FGGY: variants seen among roughly 807,000 people sequenced by gnomAD.
FGGY encodes FGGY carbohydrate kinase domain-containing protein.
In FGGY, 72 loss-of-function variants were observed where a neutral mutation model predicts 71.3. The observed-to-expected ratio is 1.01, with a 90% confidence interval of 0.84 to 1.23. The LOEUF (loss-of-function observed/expected upper bound fraction) is 1.23. FGGY is among the 50% of genes most tolerant of loss of function. The probability of loss-of-function intolerance (pLI) is 0.00; values close to 1 mark genes in which losing one functional copy is unlikely to be tolerated. For synonymous variants in FGGY, 251 were observed against 250.3 expected (o/e 1.00, Z -0.02); for missense variants, 668 against 682.3 (o/e 0.98, Z 0.23).
chr1:59,321,283 T>G (rs544988754), intron 1 of FGGY, among the ~76,000 whole-genome samples: 5 of 152,184 alleles, frequency 3.3e-5, no homozygotes, highest in African/African-American at 1.2e-4. Flanking sequence ...TAAATAATTA[T>G]GTATTTAAAT....
chr1:59,563,759 C>G (rs1195275309), intron 8 of FGGY, among the ~76,000 whole-genome samples: 1 of 152,168 alleles, frequency 6.6e-6, no homozygotes, highest in Non-Finnish European at 1.5e-5. Flanking sequence ...AAGAACAAAG[C>G]TAGAGGCATC....
At chr1:59,398,628 G>T (rs1254456891) in intron 5 of FGGY, among the ~76,000 whole-genome samples, 2 of 152,108 alleles carry the variant, frequency 1.3e-5, no homozygotes, top group Non-Finnish European at 2.9e-5. Context: ...CCATTTGTGG[G>T]CTTTTGGTTG....
In FGGY at chr1:59,638,315, T is replaced by C. The variant is rs749946426; in HGVS notation, c.1161T>C (p.His387=). Residue 387 remains histidine, a synonymous_variant, in exon 11 of 16, where the codon CAT becomes CAC. Transcript: ENST00000303721. ...QPVGFLTVDL[H]VWPDFHGNRS... ...TGGGTTTCCTTACTGTTGATTTACA[T>C]GTTTGGCCAGATTTCCATGGCAACC... is the stretch of plus-strand genomic sequence containing the variant. 1.5e-5 allele frequency: 24 copies of C among 1,614,262 alleles called. No individual in the cohort carries two copies. The African/African-American group carries it at 3.2e-4, about 22-fold the overall frequency.
intron 14 of FGGY, among the ~76,000 whole-genome samples, chr1:59,683,055 A>G (rs539633409): frequency 1.4e-4 from 21 of 152,184 alleles, no homozygotes; most frequent in Non-Finnish European, 2.9e-4. Context: ...AGGTAATGAT[A>G]AAAACGCTGG....
At chr1:59,371,222 C>G (rs1368332795) in intron 4 of FGGY, among the ~76,000 whole-genome samples, 1 of 151,904 alleles carries the variant, frequency 6.6e-6, no homozygotes, top group Non-Finnish European at 1.5e-5. Context: ...ATCTACCAAG[C>G]AAATGGAAAA....
intron 6 of FGGY, among the ~76,000 whole-genome samples, chr1:59,500,146 T>C (rs2094180357): frequency 6.6e-6 from 1 of 152,184 alleles, no homozygotes; most frequent in Admixed American, 6.5e-5. Context: ...GTGAATTCTT[T>C]AAACAAATAT....
chr1:59,636,572 G>T (rs1243991043), intron 10 of FGGY, among the ~76,000 whole-genome samples: 1 of 152,116 alleles, frequency 6.6e-6, no homozygotes, highest in East Asian at 1.9e-4. Flanking sequence ...GCAGTGAGCC[G>T]AGATCGCGTC....
intron 7 of FGGY, among the ~76,000 whole-genome samples, chr1:59,518,521 C>T (rs2094726627): frequency 6.6e-6 from 1 of 152,174 alleles, no homozygotes; most frequent in Non-Finnish European, 1.5e-5. Context: ...AAATTGTAAT[C>T]CCCAGTGTTG....
At chr1:59,550,686 G>C (rs2095595367) in intron 7 of FGGY, among the ~76,000 whole-genome samples, 1 of 152,098 alleles carries the variant, frequency 6.6e-6, no homozygotes, top group South Asian at 2.1e-4. Context: ...GGCAGAATTG[G>C]GGCTGAAACT....
At chr1:59,641,779 C>T (rs2097030584) in intron 11 of FGGY, among the ~76,000 whole-genome samples, 1 of 152,154 alleles carries the variant, frequency 6.6e-6, no homozygotes, top group African/African-American at 2.4e-5. Flanking sequence ...ATGAATGCAA[C>T]TTGTTTGATA....
At chr1:59,744,916 G>A (rs1378660067) in intron 14 of FGGY, among the ~76,000 whole-genome samples, 1 of 152,210 alleles carries the variant, frequency 6.6e-6, no homozygotes, top group African/African-American at 2.4e-5. Context: ...AGGAAAATCA[G>A]TGAGCTTTGG....
At position 59,319,897 on chromosome 1, in the gene FGGY, C is replaced by T. The variant is rs138223256; in HGVS notation, c.-14-1639C>T. Among the ~76,000 whole-genome samples the T allele has an allele frequency of 4.7e-4, 71 of 152,202 alleles. 1 individual carries two copies. The East Asian group carries it at 0.01, about 22-fold the overall frequency. On this transcript the variant is annotated intron_variant, in intron 1 of 15. Coordinates refer to ENST00000303721, the MANE Select transcript of FGGY (RefSeq NM_018291.5). ...TGGGGGGAAGGGCTGGAGGGTGGGG[C>T]AAGGGCGATCTTTGCTTCAGAGCAG...
intron 7 of FGGY, among the ~76,000 whole-genome samples, chr1:59,519,287 A>G (rs937757691): frequency 1.3e-5 from 2 of 152,212 alleles, no homozygotes; most frequent in Non-Finnish European, 2.9e-5. Flanking sequence ...AAAGTCTTTA[A>G]TATTTATTGA....
In FGGY at chr1:59,461,802, A is replaced by T. The variant is rs60899584; in HGVS notation, c.670+4726A>T. Reference sequence around the variant, plus strand: ...TTTGTTTTGTTTTGTTTTGTTTTTTATTTTATTGTATTTTATTTTTTTCTT... The same window carrying T: ...TTTGTTTTGTTTTGTTTTGTTTTTTTTTTTATTGTATTTTATTTTTTTCTT... On this transcript the variant is annotated intron_variant, in intron 6 of 15. Coordinates refer to ENST00000303721, the MANE Select transcript of FGGY (RefSeq NM_018291.5). Among the ~76,000 whole-genome samples the T allele has an allele frequency of 6.0e-3, 860 of 143,682 alleles. 12 individuals are homozygous for T. The highest frequency in any genetic ancestry group is 0.023 in the African/African-American group (775 of 33,562). The allele number at this position is 143,682 out of a possible 152,430, so 94.3% of individuals were successfully genotyped here. A position where few individuals can be genotyped will look rare whatever the true frequency, so the allele number is the denominator to read the frequency against.
intron 6 of FGGY, among the ~76,000 whole-genome samples, chr1:59,461,885 T>C (rs2092259828): frequency 6.6e-6 from 1 of 152,128 alleles, no homozygotes; most frequent in African/African-American, 2.4e-5. Flanking sequence ...TGCAGGTTAG[T>C]TACATATGTA....
At chr1:59,375,291 A>G (rs1469110642) in intron 4 of FGGY, among the ~76,000 whole-genome samples, 2 of 151,284 alleles carry the variant, frequency 1.3e-5, no homozygotes, top group Non-Finnish European at 2.9e-5. Context: ...AAAGAAACAA[A>G]CAAAAAAAAA....
At chr1:59,690,721 G>T (rs758031783) in intron 14 of FGGY, among the ~76,000 whole-genome samples, 1 of 152,198 alleles carries the variant, frequency 6.6e-6, no homozygotes, top group Non-Finnish European at 1.5e-5. Context: ...TCTTCCTGAA[G>T]CTGGCTAAGA....
At chr1:59,320,459 C>A (rs903266039) in intron 1 of FGGY, among the ~76,000 whole-genome samples, 1 of 152,156 alleles carries the variant, frequency 6.6e-6, no homozygotes, top group Non-Finnish European at 1.5e-5. Context: ...GGGCATCCAC[C>A]TGCTCAGTTG....
chr1:59,629,114 T>C (rs1039742126), intron 10 of FGGY, among the ~76,000 whole-genome samples: 8 of 151,994 alleles, frequency 5.3e-5, no homozygotes, highest in African/African-American at 1.9e-4. Context: ...ATACCTAATG[T>C]AAATGACGAG....
Sources: gnomAD v4.1 joint callset for allele counts (sites outside exome capture counted in the v4.1 genomes callset) on GRCh38, gnomAD v4.1.1 for gene constraint, MANE v1.5 for transcripts, NCBI Gene and HGNC (gene_info 2026-07-23, HGNC 2026-07-21) for gene names.